Variants in SPTB observed in about 807,000 individuals in gnomAD.
The protein encoded by SPTB is spectrin beta chain, erythrocytic.
Under a neutral mutation model 256.2 loss-of-function variants are expected in SPTB, and 45 were observed. That is an observed-to-expected ratio of 0.18 (90% CI 0.14 to 0.23). The LOEUF (loss-of-function observed/expected upper bound fraction) is 0.23. SPTB is among the 10% of genes least tolerant of loss of function. The pLI is 1.00. For synonymous variants in SPTB, 1,231 were observed against 1,243.1 expected, an observed-to-expected ratio of 0.99 and a Z score of 0.21; for missense variants, 2,715 against 3,040.4, an observed-to-expected ratio of 0.89 and a Z score of 2.52.
Position 64,779,825 on chromosome 14 carries a change from T to C in SPTB, c.4373A>G (p.Lys1458Arg). 3 of 1,614,178 alleles carry C rather than the reference T, an allele frequency of 1.9e-6. No individual in the cohort carries two copies. The highest frequency in any genetic ancestry group is 2.5e-6 in the Non-Finnish European group (3 of 1,180,040). The change falls in exon 21 of 36, where the codon AAG becomes AGG. Residue 1458 changes from lysine to arginine, a missense_variant. Lys to Arg is a conservative substitution (Grantham distance 26, BLOSUM62 2). This residue lies in a region of SPTB where 2,239 missense variants were observed against 2,384.4 expected (regional missense o/e 0.94). Coordinates refer to ENST00000644917, the MANE Select transcript of SPTB (RefSeq NM_001355436.2). The surrounding 1 kb of genome is among the most constrained non-coding windows in gnomAD (Gnocchi z 4.2). ...EGGDADLSIEKRFLDLLEPLG... is the reference protein window; with the variant it reads ...EGGDADLSIERRFLDLLEPLG... Reference sequence around the variant, plus strand: ...GGGTTCCAGGAGGTCCAGGAACCGCTTCTCGATGCTCAAGTCTGCATCTCC... The same window carrying C: ...GGGTTCCAGGAGGTCCAGGAACCGCCTCTCGATGCTCAAGTCTGCATCTCC...
intron 1 of SPTB, among the ~76,000 whole-genome samples, chr14:64,861,624 T>C (rs2083972797): frequency 6.6e-6 from 1 of 152,188 alleles, no homozygotes; most frequent in South Asian, 2.1e-4. Context: ...TCCATCCTCT[T>C]GGCCTAAAAA....
intron 1 of SPTB, among the ~76,000 whole-genome samples, chr14:64,839,231 G>A (rs573668527): frequency 1.3e-5 from 2 of 152,102 alleles, no homozygotes; most frequent in Admixed American, 6.6e-5. Context: ...CTTACAAAAC[G>A]GACTACTACT....
Position 64,793,891 on chromosome 14 carries a change from G to A in SPTB, c.1796-24C>T. 1 of 1,586,216 alleles carries A rather than the reference G, an allele frequency of 6.3e-7. No homozygotes were observed. Among genetic ancestry groups the A allele is most frequent in the Non-Finnish European group, 8.5e-7 (1 of 1,171,222 alleles). On this transcript the variant is annotated intron_variant, in intron 13 of 35. Coordinates refer to ENST00000644917, the MANE Select transcript of SPTB (RefSeq NM_001355436.2). This position sits in a 1 kb window ranked among gnomAD's most constrained non-coding sequence, Gnocchi z 7.0. ...CCCTGGAAGAAATAGGGGGAAGGAG[G>A]ACAAAGTGGGGGATGGGCTTCATTT...
Position 64,759,891 on chromosome 14 carries a change from T to C in SPTB, c.6346-6098A>G, listed in dbSNP as rs1227891437. Among the ~76,000 whole-genome samples, 1 of 152,150 alleles carries C rather than the reference T, an allele frequency of 6.6e-6. No individual in the cohort carries two copies. The highest frequency in any genetic ancestry group is 1.5e-5 in the Non-Finnish European group (1 of 68,036). On this transcript the variant is annotated intron_variant, in intron 32 of 35. Coordinates refer to ENST00000644917, the MANE Select transcript of SPTB (RefSeq NM_001355436.2). The surrounding 1 kb of genome is among the most constrained non-coding windows in gnomAD (Gnocchi z 4.8). ...GACCATAAATGGAGGTGAAGGAGAATTGCAGAGTGGGCTGAATAAGGGAAG... is the reference window on the plus strand; with the variant it reads ...GACCATAAATGGAGGTGAAGGAGAACTGCAGAGTGGGCTGAATAAGGGAAG...
chr14:64,774,019 T>C (rs959422436), intron 24 of SPTB, among the ~76,000 whole-genome samples: 10 of 152,180 alleles, frequency 6.6e-5, no homozygotes, highest in African/African-American at 2.4e-4. Flanking sequence ...TCCTACATCA[T>C]GGTTCTGTCT....
chr14:64,765,168 C>T (rs186980495), intron 32 of SPTB, among the ~76,000 whole-genome samples: 15 of 152,182 alleles, frequency 9.9e-5, no homozygotes, highest in Admixed American at 9.8e-4. Flanking sequence ...ACTGGTGTAC[C>T]AGAAACTTCC....
At chr14:64,860,016 C>T (rs1427191396) in intron 1 of SPTB, among the ~76,000 whole-genome samples, 4 of 152,110 alleles carry the variant, frequency 2.6e-5, no homozygotes, top group African/African-American at 9.7e-5. Context: ...TCAGGTGCTT[C>T]CAACTGAATA....
At chr14:64,763,567 T>C (rs2082123133) in intron 32 of SPTB, among the ~76,000 whole-genome samples, 1 of 152,250 alleles carries the variant, frequency 6.6e-6, no homozygotes, top group Admixed American at 6.5e-5. Flanking sequence ...TTCCAGACTT[T>C]CCGTAATTCT....
chr14:64,871,103 AT>A (rs752172310), intron 1 of SPTB, among the ~76,000 whole-genome samples: 1 of 152,266 alleles, frequency 6.6e-6, no homozygotes, highest in Non-Finnish European at 1.5e-5. Flanking sequence ...ATTTGAGCAA[AT>A]AATACACATA....
Position 64,826,783 on chromosome 14 carries a change from G to A in SPTB, c.-51-3638C>T, listed in dbSNP as rs960365701. On this transcript the variant is annotated intron_variant, in intron 1 of 35. Transcript: ENST00000644917. This position sits in a 1 kb window ranked among gnomAD's most constrained non-coding sequence, Gnocchi z 4.4. ...GCCCCATCCATCCATCCACCTGCCCGTCTAGCAGCTCTAAATGCACAGTCC... is the reference window on the plus strand; with the variant it reads ...GCCCCATCCATCCATCCACCTGCCCATCTAGCAGCTCTAAATGCACAGTCC... Among the ~76,000 whole-genome samples the A allele has an allele frequency of 2.0e-5, 3 of 151,980 alleles. No homozygotes were observed. Among genetic ancestry groups the A allele is most frequent in the Non-Finnish European group, 4.4e-5 (3 of 67,990 alleles).
At position 64,758,864 on chromosome 14, in the gene SPTB, A is replaced by G. The variant is rs887624658; in HGVS notation, c.6346-5071T>C. Among the ~76,000 whole-genome samples, 1 of 151,846 alleles carries G rather than the reference A, an allele frequency of 6.6e-6. No individual in the cohort carries two copies. Among genetic ancestry groups the G allele is most frequent in the Non-Finnish European group, 1.5e-5 (1 of 67,994 alleles). ...TGTATGTAAAGATCTTTTGCAATTC[A>G]TAAGAGATAAGGAATTTCTCTGGGG... On this transcript the variant is annotated intron_variant, in intron 32 of 35. Coordinates refer to ENST00000644917, the MANE Select transcript of SPTB (RefSeq NM_001355436.2). The surrounding 1 kb of genome is among the most constrained non-coding windows in gnomAD (Gnocchi z 4.6).
chr14:64,750,219 T>C (rs911168873), intron 33 of SPTB, 65 bp from the exon 34 acceptor site: 1 of 1,519,104 alleles, frequency 6.6e-7, no homozygotes, highest in Non-Finnish European at 8.9e-7. Context: ...TCAATTCCTA[T>C]AGCTTCACCA....
intron 1 of SPTB, among the ~76,000 whole-genome samples, chr14:64,831,676 G>A (rs1188764426): frequency 6.6e-6 from 1 of 152,202 alleles, no homozygotes; most frequent in African/African-American, 2.4e-5. Context: ...GGCCTAGAAG[G>A]GGACATATGC....
rs570208739 is a variant in SPTB, at chr14:64,825,061, G to C, written c.-51-1916C>G. Among the ~76,000 whole-genome samples the C allele has an allele frequency of 6.6e-6, 1 of 151,928 alleles. No individual in the cohort carries two copies. Among genetic ancestry groups the C allele is most frequent in the Non-Finnish European group, 1.5e-5 (1 of 67,980 alleles). On this transcript the variant is annotated intron_variant, in intron 1 of 35. Coordinates refer to ENST00000644917, the MANE Select transcript of SPTB (RefSeq NM_001355436.2). This position sits in a 1 kb window ranked among gnomAD's most constrained non-coding sequence, Gnocchi z 4.8. ...GACCAGACGGGTTTCAGGAGGGCAG[G>C]TGGGGAAAGGACTGGAGCACAGTTT...
intron 1 of SPTB, among the ~76,000 whole-genome samples, chr14:64,867,130 T>G (rs1465664844): frequency 6.6e-6 from 1 of 152,192 alleles, no homozygotes; most frequent in Non-Finnish European, 1.5e-5. Context: ...AATATAGAGG[T>G]GGAAGACAGC....
At chr14:64,798,420 T>G (rs547592205) in intron 9 of SPTB, among the ~76,000 whole-genome samples, 1 of 152,254 alleles carries the variant, frequency 6.6e-6, no homozygotes, top group Admixed American at 6.5e-5. Context: ...CTTGTAGGTG[T>G]AGGAGACAAG....
At chr14:64,801,249 C>T in intron 7 of SPTB, 36 bp downstream of exon 7, 1 of 1,560,926 alleles carries the variant, frequency 6.4e-7, no homozygotes, top group South Asian at 1.1e-5. Context: ...TCCCCCACTG[C>T]TGCAGCAAAG....
chr14:64,878,198 C>T (rs1882921181), intron 1 of SPTB, among the ~76,000 whole-genome samples: 1 of 152,164 alleles, frequency 6.6e-6, no homozygotes, highest in African/African-American at 2.4e-5. Context: ...TTCAATGGTG[C>T]TTTACTCTAG....
chr14:64,823,130 C>T lies in SPTB; in HGVS notation c.-36G>A. 3 of 1,613,914 alleles carry T rather than the reference C, an allele frequency of 1.9e-6. No homozygotes were observed. The highest frequency in any genetic ancestry group is 2.5e-6 in the Non-Finnish European group (3 of 1,179,876). Reference sequence around the variant, plus strand: ...TCTTAGCAGCTCCGCCTGCCTCAGTCTTCATGGAAGGATCCCTGGGGGACA... The same window carrying T: ...TCTTAGCAGCTCCGCCTGCCTCAGTTTTCATGGAAGGATCCCTGGGGGACA... On this transcript the variant is annotated 5_prime_UTR_variant, in exon 2 of 36. Coordinates refer to ENST00000644917, the MANE Select transcript of SPTB (RefSeq NM_001355436.2). This position sits in a 1 kb window ranked among gnomAD's most constrained non-coding sequence, Gnocchi z 6.5.
Sources: allele counts gnomAD v4.1 joint callset (sites outside exome capture counted in the v4.1 genomes callset), GRCh38; gene constraint gnomAD v4.1.1; regional missense constraint gnomAD v4.1.1; non-coding constraint Gnocchi (gnomAD v3.1); transcripts MANE v1.5; gene names NCBI Gene and HGNC (gene_info 2026-07-23, HGNC 2026-07-21).